TMPRSS11D: variants seen among roughly 807,000 people sequenced by gnomAD.
TMPRSS11D encodes transmembrane protease serine 11D.
In TMPRSS11D, 32 loss-of-function variants were observed where a neutral mutation model predicts 44.4. That is an observed-to-expected ratio of 0.72 (90% CI 0.54 to 0.97). The LOEUF is 0.97. Among genes scored for constraint, TMPRSS11D ranks in the 50% least tolerant of loss-of-function variants. TMPRSS11D has a pLI of 0.00. For missense variants in TMPRSS11D, 446 were observed against 502.6 expected, an observed-to-expected ratio of 0.89 and a Z score of 1.08; for synonymous variants, 179 against 177.9, an observed-to-expected ratio of 1.01 and a Z score of -0.05.
At chr4:67,840,057 C>T (rs1430362106) in intron 4 of TMPRSS11D, among the ~76,000 whole-genome samples, 4 of 148,246 alleles carry the variant, frequency 2.7e-5, no homozygotes, top group Non-Finnish European at 5.9e-5. Flanking sequence ...GATGTAACTG[C>T]TCTGGAGGTA....
chr4:67,845,924 C>T (rs1161419763), intron 3 of TMPRSS11D, among the ~76,000 whole-genome samples: 1 of 152,136 alleles, frequency 6.6e-6, no homozygotes, highest in African/African-American at 2.4e-5. Context: ...ATAATTGTCA[C>T]ATATTTTTCA....
Position 67,833,245 on chromosome 4 carries a change from G to C in TMPRSS11D, c.651C>G (p.Ile217Met), listed in dbSNP as rs1246705306. 1 of 1,567,860 alleles carries C rather than the reference G, an allele frequency of 6.4e-7. No individual in the cohort carries two copies. Among genetic ancestry groups the C allele is most frequent in the African/African-American group, 1.4e-5 (1 of 72,562 alleles). The stretch of plus-strand genomic sequence containing the variant: ...CTGCTGTCAGGATCCACATGTTATT[G>C]ATCAGGCTGCCTCCACAGTGGTGGG... ...NNAHHCGGSL[I>M]NNMWILTAAH... The change falls in exon 7 of 10, where the codon ATC (isoleucine) becomes ATG (methionine). Residue 217 changes from isoleucine to methionine, a missense_variant. Transcript: ENST00000283916.
At chr4:67,849,028 G>C (rs1345746281) in intron 3 of TMPRSS11D, among the ~76,000 whole-genome samples, 1 of 152,096 alleles carries the variant, frequency 6.6e-6, no homozygotes, top group African/African-American at 2.4e-5. Context: ...GGGTAGAGGC[G>C]ATGGCTTGGA....
chr4:67,861,186 T>C (rs973601512), intron 1 of TMPRSS11D, among the ~76,000 whole-genome samples: 3 of 152,206 alleles, frequency 2.0e-5, no homozygotes, highest in Non-Finnish European at 2.9e-5. Flanking sequence ...TTCATTTTGC[T>C]ACACTAGTGA....
chr4:67,841,090 C>A (rs937085638), intron 4 of TMPRSS11D, among the ~76,000 whole-genome samples: 1 of 152,022 alleles, frequency 6.6e-6, no homozygotes, highest in Non-Finnish European at 1.5e-5. Context: ...AATAAAGAAG[C>A]AGTCATACTG....
chr4:67,880,355 G>A lies in TMPRSS11D; in HGVS notation c.8+3571C>T, dbSNP rs184893565. ...AAAATAGAGGCAATAGGTTTAGACA[G>A]ATCTTTAGAATAGTTTTGCTTTTAA... On this transcript the variant is annotated intron_variant, in intron 1 of 9. Transcript: ENST00000283916. Among the ~76,000 whole-genome samples, 26 of 152,304 alleles carry A rather than the reference G, an allele frequency of 1.7e-4. 1 individual carries two copies. Among genetic ancestry groups the A allele is most frequent in the South Asian group, 8.3e-4 (4 of 4,832 alleles).
At chr4:67,840,702 C>T (rs1361613232) in intron 4 of TMPRSS11D, among the ~76,000 whole-genome samples, 1 of 151,978 alleles carries the variant, frequency 6.6e-6, no homozygotes, top group Non-Finnish European at 1.5e-5. Context: ...AGGATAAATG[C>T]TTGAGGGGAT....
In TMPRSS11D at chr4:67,835,025, G is replaced by T. The variant is rs368030750; in HGVS notation, c.514+58C>A. ...TTGGCCAAAAGTACACAAAAGACTT[G>T]CACTTTTACTCTTTATGATTTGGCA... On this transcript the variant is annotated intron_variant, in intron 6 of 9. Coordinates refer to ENST00000283916, the MANE Select transcript of TMPRSS11D (RefSeq NM_004262.3). 6 of 1,481,306 alleles carry T rather than the reference G, an allele frequency of 4.1e-6. No homozygotes were observed. In the African/African-American group the frequency reaches 4.2e-5, roughly 10 times the overall value. The allele number at this position is 1,481,306 out of a possible 1,614,324, so 91.8% of individuals were successfully genotyped here. A position where few individuals can be genotyped will look rare whatever the true frequency, so the allele number is the denominator to read the frequency against.
Position 67,839,673 on chromosome 4 carries a change from G to A in TMPRSS11D, c.318-1344C>T, listed in dbSNP as rs188738037. Among the ~76,000 whole-genome samples, 8 of 151,992 alleles carry A rather than the reference G, an allele frequency of 5.3e-5. No homozygotes were observed. In the East Asian group the frequency reaches 1.5e-3, roughly 29 times the overall value. The stretch of plus-strand genomic sequence containing the variant: ...CTAGAATGAAAAAAATGCTCGTCAT[G>A]TCATAAAAAAATAAATTTATCTGTT... On this transcript the variant is annotated intron_variant, in intron 4 of 9. Transcript: ENST00000283916.
chr4:67,837,092 C>T (rs1237164131), intron 5 of TMPRSS11D, among the ~76,000 whole-genome samples: 2 of 152,114 alleles, frequency 1.3e-5, no homozygotes, highest in African/African-American at 4.8e-5. Context: ...ATATCTTTCC[C>T]TTCAACTAGA....
chr4:67,844,679 T>C (rs551745221), intron 3 of TMPRSS11D, among the ~76,000 whole-genome samples: 1 of 151,958 alleles, frequency 6.6e-6, no homozygotes, highest in South Asian at 2.1e-4. Flanking sequence ...CTTAAGAGGC[T>C]GGGGCAGGAG....
intron 4 of TMPRSS11D, among the ~76,000 whole-genome samples, chr4:67,841,059 C>G (rs943379023): frequency 6.6e-6 from 1 of 151,860 alleles, no homozygotes; most frequent in East Asian, 1.9e-4. Flanking sequence ...TAAAGCAATG[C>G]TAAAAAAGAG....
chr4:67,862,571 T>G (rs2109691804), intron 1 of TMPRSS11D, among the ~76,000 whole-genome samples: 1 of 152,232 alleles, frequency 6.6e-6, no homozygotes, highest in East Asian at 1.9e-4. Context: ...TCATTTCCAA[T>G]TACTAATTGA....
At chr4:67,829,682 C>T (rs1717897834) in intron 7 of TMPRSS11D, among the ~76,000 whole-genome samples, 1 of 151,810 alleles carries the variant, frequency 6.6e-6, no homozygotes, top group South Asian at 2.1e-4. Flanking sequence ...AATAAATAAG[C>T]AGAAAAACCA....
intron 7 of TMPRSS11D, among the ~76,000 whole-genome samples, chr4:67,828,778 AT>A (rs1277320326): frequency 7.2e-5 from 11 of 152,306 alleles, no homozygotes; most frequent in African/African-American, 2.6e-4. Context: ...AGCAATGGCT[AT>A]AAAGAGGTAG....
At position 67,848,497 on chromosome 4, in the gene TMPRSS11D, T is replaced by C. The variant is rs561790111; in HGVS notation, c.249+5571A>G. ...ATCTGGCCATCATGAAGCTTATGTC[T>C]AATGGATGGAAATAGACCTAATCAA... On this transcript the variant is annotated intron_variant, in intron 3 of 9. Transcript: ENST00000283916. Among the ~76,000 whole-genome samples, 32 of 152,332 alleles carry C rather than the reference T, an allele frequency of 2.1e-4. No homozygotes were observed. In the South Asian group the frequency reaches 6.6e-3, roughly 32 times the overall value.
chr4:67,852,989 A>T (rs909886584), intron 3 of TMPRSS11D, among the ~76,000 whole-genome samples: 3 of 152,194 alleles, frequency 2.0e-5, no homozygotes, highest in Non-Finnish European at 4.4e-5. Flanking sequence ...TGGAAGGAGG[A>T]TTAATTATAT....
chr4:67,838,795 AG>A lies in TMPRSS11D; in HGVS notation c.318-467del, dbSNP rs1314082539. ...CTCCTAAACAAATTCATAAAGTGAT[AG>A]GGTTGTAAATTTGTGTGAGTTAGAG... is the stretch of plus-strand genomic sequence containing the variant. On this transcript the variant is annotated intron_variant, in intron 4 of 9. Transcript: ENST00000283916. Among the ~76,000 whole-genome samples the A allele has an allele frequency of 2.0e-5, 3 of 152,108 alleles. No individual in the cohort carries two copies. In the South Asian group the frequency reaches 6.2e-4, roughly 32 times the overall value.
chr4:67,842,663 A>G, intron 3 of TMPRSS11D, 38 bp from the exon 4 acceptor site: 1 of 1,552,164 alleles, frequency 6.4e-7, no homozygotes, highest in Non-Finnish European at 8.8e-7. Flanking sequence ...CTCTGTAAAT[A>G]CAGTTCTTCT....
Sources: gnomAD v4.1 joint callset for allele counts (sites outside exome capture counted in the v4.1 genomes callset) on GRCh38, gnomAD v4.1.1 for gene constraint, MANE v1.5 for transcripts, NCBI Gene and HGNC (gene_info 2026-07-23, HGNC 2026-07-21) for gene names.